The following GLIS3 variants were observed in gnomAD, a reference collection of about 807,000 sequenced individuals.
GLIS3 encodes the protein zinc finger protein GLIS3.
In GLIS3, 53 loss-of-function variants were observed where a neutral mutation model predicts 78.6. The ratio of observed to expected loss-of-function variants is 0.67; its 90% CI spans 0.54 to 0.85. GLIS3 has a LOEUF of 0.85. Ranked by LOEUF, GLIS3 falls within the 40% of genes least tolerant of loss-of-function variation. The pLI, the probability that GLIS3 is intolerant of heterozygous loss-of-function variation, is 0.00. For synonymous variants in GLIS3, 684 were observed against 509.9 expected, an observed-to-expected ratio of 1.34 and a Z score of -4.60; for missense variants, 1,703 against 1,231.1, an observed-to-expected ratio of 1.38 and a Z score of -5.74.
At chr9:3,859,557 T>C (rs1052611525) in intron 8 of GLIS3, among the ~76,000 whole-genome samples, 3 of 152,210 alleles carry the variant, frequency 2.0e-5, no homozygotes, top group Non-Finnish European at 4.4e-5. Flanking sequence ...TTCCCTCTTA[T>C]GGAGTATCTT....
intron 2 of GLIS3, among the ~76,000 whole-genome samples, chr9:4,256,547 G>T: frequency 6.6e-6 from 1 of 152,150 alleles, no homozygotes; most frequent in East Asian, 1.9e-4. Flanking sequence ...AAACTGGTAT[G>T]ATCTTTCTGA....
chr9:3,884,257 C>T (rs1358429148), intron 7 of GLIS3, among the ~76,000 whole-genome samples: 2 of 151,504 alleles, frequency 1.3e-5, no homozygotes, highest in Admixed American at 6.6e-5. Flanking sequence ...GGAGGGAGGC[C>T]AAGAGTGTTA....
chr9:4,247,867 T>C (rs1025160134), intron 2 of GLIS3, among the ~76,000 whole-genome samples: 11 of 152,154 alleles, frequency 7.2e-5, no homozygotes, highest in African/African-American at 2.7e-4. Flanking sequence ...AATTAGCATA[T>C]CCATCACTTC....
intron 6 of GLIS3, among the ~76,000 whole-genome samples, chr9:3,917,906 C>T (rs1824627230): frequency 6.6e-6 from 1 of 152,194 alleles, no homozygotes; most frequent in African/African-American, 2.4e-5. Flanking sequence ...TAGGGATCTT[C>T]TGGAGATAAT....
At chr9:3,877,781 T>A (rs1821413708) in intron 8 of GLIS3, among the ~76,000 whole-genome samples, 2 of 151,886 alleles carry the variant, frequency 1.3e-5, no homozygotes, top group Non-Finnish European at 2.9e-5. Flanking sequence ...ACCATATTGC[T>A]CACAAGGCCT....
chr9:4,483,127 A>G, the GLIS3 span, among the ~76,000 whole-genome samples: 3 of 152,206 alleles, frequency 2.0e-5, no homozygotes, highest in Non-Finnish European at 4.4e-5. Context: ...AATAAAGTAA[A>G]AAAGAATCGA....
At chr9:3,896,271 T>A (rs1239397309) in intron 7 of GLIS3, among the ~76,000 whole-genome samples, 1 of 152,206 alleles carries the variant, frequency 6.6e-6, no homozygotes, top group Non-Finnish European at 1.5e-5. Context: ...TGGTTCTGCC[T>A]CTTGGTTTGT....
chr9:4,212,144 G>T (rs892144503), intron 2 of GLIS3, among the ~76,000 whole-genome samples: 2 of 152,198 alleles, frequency 1.3e-5, no homozygotes, highest in African/African-American at 4.8e-5. Flanking sequence ...TCGAGTGGGT[G>T]AATGATATAT....
At chr9:4,251,846 T>C (rs1043324370) in intron 2 of GLIS3, among the ~76,000 whole-genome samples, 1 of 152,248 alleles carries the variant, frequency 6.6e-6, no homozygotes. Context: ...AAGGATTTTA[T>C]TTCTCCTTCA....
At chr9:3,863,773 G>C (rs992533372) in intron 8 of GLIS3, among the ~76,000 whole-genome samples, 1 of 152,122 alleles carries the variant, frequency 6.6e-6, no homozygotes, top group Non-Finnish European at 1.5e-5. Context: ...TTGGGTGTAG[G>C]GAGCGAGTTG....
At chr9:4,235,391 G>A (rs772607623) in intron 2 of GLIS3, among the ~76,000 whole-genome samples, 1 of 151,718 alleles carries the variant, frequency 6.6e-6, no homozygotes, top group Non-Finnish European at 1.5e-5. Flanking sequence ...GAAGGCTCAT[G>A]CATGTGCCAC....
At chr9:4,488,107 T>TTG in the GLIS3 span, among the ~76,000 whole-genome samples, 3 of 151,448 alleles carry the variant, frequency 2.0e-5, no homozygotes, top group Admixed American at 6.6e-5. Flanking sequence ...TTCGTCTGTT[T>TTG]GTTGGTTGGT....
At chr9:4,318,397 C>A (rs577156593) in intron 2 of GLIS3, among the ~76,000 whole-genome samples, 7 of 152,168 alleles carry the variant, frequency 4.6e-5, no homozygotes, top group East Asian at 1.9e-4. Context: ...AAAGGAAGCA[C>A]GGAGAAATGG....
chr9:4,279,324 T>TATACACACACAC (rs1234969923), intron 2 of GLIS3, among the ~76,000 whole-genome samples: 1 of 84,926 alleles, frequency 1.2e-5, no homozygotes, highest in Non-Finnish European at 2.2e-5. Flanking sequence ...AATATATATA[T>TATACACACACAC]ACACACACAC....
chr9:4,286,335 T>C lies in GLIS3; in HGVS notation c.91A>G (p.Ile31Val), dbSNP rs1360769169. ...CCAGGAGTCCCGGAGTGGGCTCGGA[T>C]GGCAGGAATGTGATGACCACTGACC... is the stretch of plus-strand genomic sequence containing the variant. ...RMVSGHHIPA[I>V]RAHSGTPGPS... Residue 31 changes from isoleucine (I) to valine (V), a missense_variant, in exon 2 of 11, where the codon ATC (isoleucine) becomes GTC (valine). Coordinates refer to ENST00000381971, the MANE Select transcript of GLIS3 (RefSeq NM_001042413.2). 2 of 1,614,068 alleles carry C rather than the reference T, an allele frequency of 1.2e-6. No individual in the cohort carries two copies. The highest frequency in any genetic ancestry group is 1.3e-5 in the African/African-American group (1 of 74,936).
intron 2 of GLIS3, among the ~76,000 whole-genome samples, chr9:4,339,325 T>C (rs1817800133): frequency 6.6e-6 from 1 of 152,198 alleles, no homozygotes; most frequent in African/African-American, 2.4e-5. Flanking sequence ...AATGTTTCAT[T>C]TTGAAGTACC....
the GLIS3 span, among the ~76,000 whole-genome samples, chr9:4,377,938 A>C: frequency 2.0e-4 from 30 of 152,280 alleles, no homozygotes; most frequent in Non-Finnish European, 4.3e-4. Flanking sequence ...ACCAATATTA[A>C]ATATTCAAAA....
chr9:4,046,570 G>C (rs1056925091), intron 4 of GLIS3, among the ~76,000 whole-genome samples: 1 of 152,152 alleles, frequency 6.6e-6, no homozygotes, highest in African/African-American at 2.4e-5. Flanking sequence ...AAGCTAATAC[G>C]ATAAGTTGTA....
the GLIS3 span, among the ~76,000 whole-genome samples, chr9:4,442,824 C>G: frequency 6.6e-6 from 1 of 151,940 alleles, no homozygotes; most frequent in Non-Finnish European, 1.5e-5. Flanking sequence ...TTTTCTCCCT[C>G]TTCGCTTTCC....
Sources: gnomAD v4.1 joint callset for allele counts (sites outside exome capture counted in the v4.1 genomes callset) on GRCh38, gnomAD v4.1.1 for gene constraint, MANE v1.5 for transcripts, NCBI Gene and HGNC (gene_info 2026-07-23, HGNC 2026-07-21) for gene names.